Variants in FYTTD1 observed in about 807,000 individuals in gnomAD.
FYTTD1 encodes forty-two-three domain containing 1.
In FYTTD1, 22 loss-of-function variants were observed where a neutral mutation model predicts 40.9. The observed-to-expected ratio is 0.54, with a 90% CI of 0.38 to 0.77. FYTTD1 has a LOEUF of 0.77. Among genes scored for constraint, FYTTD1 ranks in the 30% least tolerant of loss-of-function variants. The pLI, the probability that FYTTD1 is intolerant of heterozygous loss-of-function variation, is 0.00. For missense variants in FYTTD1, 351 were observed against 392.2 expected, an observed-to-expected ratio of 0.90 and a Z score of 0.89; for synonymous variants, 140 against 137.9, an observed-to-expected ratio of 1.01 and a Z score of -0.10.
At chr3:197,768,638 C>T in intron 3 of FYTTD1, 51 bp downstream of exon 3, 2 of 1,476,436 alleles carry the variant, frequency 1.4e-6, no homozygotes, top group Non-Finnish European at 1.8e-6. Context: ...TTTATTTGTA[C>T]TAACATTTCT....
At chr3:197,749,874 C>T (rs939652306), upstream of FYTTD1, 15 of 738,416 alleles carry the variant, frequency 2.0e-5, no homozygotes, top group African/African-American at 2.3e-4. Context: ...GGCGCGTGCG[C>T]GCTCCCTCGG....
intron 1 of FYTTD1, chr3:197,750,737 C>A: frequency 1.0e-6 from 1 of 985,502 alleles, no homozygotes; most frequent in Non-Finnish European, 1.2e-6. Flanking sequence ...CACAGTCTCC[C>A]TCTCCAGGCC....
intron 2 of FYTTD1, among the ~76,000 whole-genome samples, chr3:197,765,852 C>T (rs1419394870): frequency 3.3e-5 from 5 of 151,908 alleles, no homozygotes; most frequent in Admixed American, 1.3e-4. Flanking sequence ...AAAAATTAGC[C>T]GGGCATCGTA....
intron 1 of FYTTD1, among the ~76,000 whole-genome samples, chr3:197,755,406 T>C (rs1435751587): frequency 6.6e-6 from 1 of 152,070 alleles, no homozygotes; most frequent in Admixed American, 6.6e-5. Flanking sequence ...TTGAATGGTT[T>C]AATTTTTGAT....
intron 1 of FYTTD1, among the ~76,000 whole-genome samples, chr3:197,756,178 A>G (rs1035601921): frequency 2.0e-5 from 3 of 152,154 alleles, no homozygotes; most frequent in African/African-American, 7.2e-5. Context: ...GTAAGTAGGA[A>G]TAACTTGTAA....
In FYTTD1 at chr3:197,774,809, C is replaced by T. The variant is rs1020547806; in HGVS notation, c.656+599C>T. Among the ~76,000 whole-genome samples the T allele has an allele frequency of 2.1e-5, 3 of 140,434 alleles. No homozygotes were observed. In the East Asian group the frequency reaches 6.8e-4, roughly 32 times the overall value. 92.1% of individuals were successfully genotyped at this position (140,434 alleles called of 152,430 possible). On this transcript the variant is annotated intron_variant, in intron 6 of 8. Coordinates refer to ENST00000241502, the MANE Select transcript of FYTTD1 (RefSeq NM_032288.7). ...ACCATCCTGAGCAGCATAGCTCGAT[C>T]GCCAGTGCATACCATCCTGAGCAGC...
chr3:197,750,613 C>T (rs1246251967), intron 1 of FYTTD1: 3 of 985,328 alleles, frequency 3.0e-6, no homozygotes, highest in Non-Finnish European at 3.6e-6. Flanking sequence ...CCATGGCTGC[C>T]GGGCGCGACT....
Position 197,778,355 on chromosome 3 carries a change from T to C in FYTTD1, c.749T>C (p.Leu250Ser). ...TCTAATAGAACTCAGAAACCACGAT[T>C]AACTCGTACTGCTGTACCTTCATTT... ...VQCPVTQKPR[L>S]TRTAVPSFLT... The change falls in exon 8 of 9, where the codon TTA becomes TCA. Residue 250 changes from leucine to serine, a missense_variant. Leu to Ser is a moderately radical substitution (Grantham distance 145). Transcript: ENST00000241502. The C allele has an allele frequency of 6.2e-7, 1 of 1,602,466 alleles. No individual in the cohort carries two copies. The highest frequency in any genetic ancestry group is 2.2e-5 in the East Asian group (1 of 44,808).
At chr3:197,749,613 C>G, upstream of FYTTD1, 1 of 1,092,610 alleles carries the variant, frequency 9.2e-7, no homozygotes, top group South Asian at 1.3e-5. Flanking sequence ...ACTCGAAGGA[C>G]ACGGAGGATT....
intron 1 of FYTTD1, among the ~76,000 whole-genome samples, chr3:197,751,501 C>G (rs1385194744): frequency 6.6e-6 from 1 of 152,056 alleles, no homozygotes; most frequent in Non-Finnish European, 1.5e-5. Flanking sequence ...CTAAAATTAG[C>G]CGGGCGTGGT....
intron 2 of FYTTD1, among the ~76,000 whole-genome samples, chr3:197,764,489 T>G (rs1008987375): frequency 6.6e-6 from 1 of 151,794 alleles, no homozygotes; most frequent in Admixed American, 6.6e-5. Context: ...GTGGGCAGAT[T>G]ACGAGGTCAG....
At chr3:197,763,372 C>T (rs377299093) in intron 2 of FYTTD1, 161 of 301,608 alleles carry the variant, frequency 5.3e-4, no homozygotes, top group Middle Eastern at 2.8e-3. Flanking sequence ...CGAGATCGCA[C>T]CATTGCACTC....
Position 197,778,369 on chromosome 3 carries a change from G to C in FYTTD1, c.763G>C (p.Val255Leu). The change falls in exon 8 of 9, where the codon GTA becomes CTA. Residue 255 changes from valine (V) to leucine (L), a missense_variant. Transcript: ENST00000241502. ...TQKPRLTRTA[V>L]PSFLTKREQS... ...GAAACCACGATTAACTCGTACTGCT[G>C]TACCTTCATTTTTAACAAAGCGGGA... 2 of 1,611,936 alleles carry C rather than the reference G, an allele frequency of 1.2e-6. No homozygotes were observed. The highest frequency in any genetic ancestry group is 8.5e-7 in the Non-Finnish European group (1 of 1,178,512).
At position 197,784,742 on chromosome 3, in the gene FYTTD1, G is replaced by C. The variant is rs1730116364; in HGVS notation, c.*2833G>C. The stretch of plus-strand genomic sequence containing the variant: ...GGAAGCAGAGATTGCAGTGAGCCGA[G>C]ACCACGCCATTGCACTCCAGCCTGG... On this transcript the variant is annotated 3_prime_UTR_variant, in exon 9 of 9. Coordinates refer to ENST00000241502, the MANE Select transcript of FYTTD1 (RefSeq NM_032288.7). The C allele has an allele frequency of 6.6e-6, 1 of 152,124 alleles. No individual in the cohort carries two copies. Among genetic ancestry groups the C allele is most frequent in the Non-Finnish European group, 1.5e-5 (1 of 68,090 alleles). The allele number at this position is 152,124 out of a possible 1,614,324, so 9.4% of individuals were successfully genotyped here. A position where few individuals can be genotyped will look rare whatever the true frequency, so the allele number is the denominator to read the frequency against.
At chr3:197,763,603 C>A (rs761266417) in intron 2 of FYTTD1, 20 of 402,056 alleles carry the variant, frequency 5.0e-5, no homozygotes, top group South Asian at 3.1e-4. Flanking sequence ...ATAGGGAGAC[C>A]CCGTCTCTAC....
chr3:197,776,986 C>T lies in FYTTD1; in HGVS notation c.716C>T (p.Ala239Val). ...ACTGTATCTATTGACAATCCTGGAG[C>T]AGTGCAATGCCCAGTGTAAGTTGTT... is the stretch of plus-strand genomic sequence containing the variant. ...ILTVSIDNPG[A>V]VQCPVTQKPR... The change falls in exon 7 of 9, where the codon GCA (alanine) becomes GTA (valine). Residue 239 changes from alanine (A) to valine (V), a missense_variant. Physicochemically the swap from Ala to Val is moderately conservative, Grantham distance 64 (BLOSUM62 0). Transcript: ENST00000241502. 1.9e-6 allele frequency: 3 copies of T among 1,605,742 alleles called. No individual in the cohort carries two copies. The highest frequency in any genetic ancestry group is 2.6e-6 in the Non-Finnish European group (3 of 1,173,222).
chr3:197,756,368 G>A (rs1325618236), intron 1 of FYTTD1, 58 bp from the exon 2 acceptor site: 3 of 1,316,980 alleles, frequency 2.3e-6, no homozygotes, highest in African/African-American at 1.5e-5. Context: ...GCTAGAAAAC[G>A]AAACTGAGTA....
chr3:197,771,412 C>G (rs1729711585), intron 4 of FYTTD1, among the ~76,000 whole-genome samples: 1 of 152,128 alleles, frequency 6.6e-6, no homozygotes, highest in African/African-American at 2.4e-5. Flanking sequence ...ATTCCCAGCA[C>G]TTTGGGGGGC....
chr3:197,767,171 C>G (rs998261972), intron 2 of FYTTD1, among the ~76,000 whole-genome samples: 1 of 151,936 alleles, frequency 6.6e-6, no homozygotes, highest in Non-Finnish European at 1.5e-5. Flanking sequence ...GACGGAGTCT[C>G]GCTCTTCGCC....
Sources: allele counts gnomAD v4.1 joint callset (sites outside exome capture counted in the v4.1 genomes callset), GRCh38; gene constraint gnomAD v4.1.1; transcripts MANE v1.5; gene names NCBI Gene and HGNC (gene_info 2026-07-23, HGNC 2026-07-21).